Variants in PRRC2B observed in about 807,000 individuals in gnomAD.
PRRC2B encodes the protein proline rich coiled-coil 2B.
PRRC2B carries 68 observed loss-of-function variants against 242.3 expected under a neutral mutation model. The ratio of observed to expected loss-of-function variants is 0.28; its 90% CI spans 0.23 to 0.34. The LOEUF (loss-of-function observed/expected upper bound fraction) is 0.34, where lower values mean the gene tolerates loss of function less well. Ranked by LOEUF, PRRC2B falls within the 10% of genes least tolerant of loss-of-function variation. PRRC2B has a pLI of 1.00. For synonymous variants in PRRC2B, 1,228 were observed against 1,173.6 expected (o/e 1.05, Z -0.95); for missense variants, 2,835 against 2,954.8 (o/e 0.96, Z 0.94).
chr9:131,376,167 C>T (rs1030839086), intron 1 of PRRC2B, among the ~76,000 whole-genome samples: 1 of 150,700 alleles, frequency 6.6e-6, no homozygotes, highest in African/African-American at 2.4e-5. Flanking sequence ...GCCTGACCAA[C>T]ATGGTGAAAC....
intron 9 of PRRC2B, among the ~76,000 whole-genome samples, chr9:131,450,487 G>A (rs1490951283): frequency 6.6e-6 from 1 of 151,882 alleles, no homozygotes; most frequent in Admixed American, 6.6e-5. Flanking sequence ...GGCTGGTCTC[G>A]AACTCCTGAC....
chr9:131,416,018 A>AT (rs1837638364), intron 1 of PRRC2B, among the ~76,000 whole-genome samples: 1 of 149,442 alleles, frequency 6.7e-6, no homozygotes, highest in South Asian at 2.1e-4. Context: ...TAATCCTTTG[A>AT]TTTTGGGGGT....
At position 131,459,343 on chromosome 9, in the gene PRRC2B, G is replaced by C. The variant is rs768397687; in HGVS notation, c.1391G>C (p.Gly464Ala). The change falls in exon 11 of 32, where the codon GGC becomes GCC. Residue 464 changes from glycine to alanine, a missense_variant. Transcript: ENST00000683519. ...PPRKLHGWAP[G>A]PDYQKSSMGS... Reference sequence around the variant, plus strand: ...AGGAAGCTTCATGGCTGGGCACCAGGCCCTGACTACCAGGTACCAAGGGCC... The same window carrying C: ...AGGAAGCTTCATGGCTGGGCACCAGCCCCTGACTACCAGGTACCAAGGGCC... 6.2e-7 allele frequency: 1 copy of C among 1,613,086 alleles called. No homozygotes were observed. The highest frequency in any genetic ancestry group is 1.1e-5 in the South Asian group (1 of 91,004).
rs1944291933 is a variant in PRRC2B at position 131,494,990 on chromosome 9, C to T, written c.6555+504C>T. The stretch of plus-strand genomic sequence containing the variant: ...CTATTCTCTAAAACGTGCTGGGGCT[C>T]AGAGCTTAAGCCCCTCAGACGTGGG... On this transcript the variant is annotated intron_variant, in intron 31 of 31. Transcript: ENST00000683519. The surrounding 1 kb of genome is among the most constrained non-coding windows in gnomAD (Gnocchi z 4.3). Among the ~76,000 whole-genome samples, 1 of 152,192 alleles carries T rather than the reference C, an allele frequency of 6.6e-6. No homozygotes were observed. The highest frequency in any genetic ancestry group is 1.5e-5 in the Non-Finnish European group (1 of 68,034).
At chr9:131,445,329 T>A (rs1334634096) in intron 6 of PRRC2B, among the ~76,000 whole-genome samples, 2 of 152,120 alleles carry the variant, frequency 1.3e-5, no homozygotes, top group East Asian at 3.9e-4. Context: ...CCCAGCTAAT[T>A]TTGTATTTTT....
At chr9:131,416,053 C>A (rs529904038) in intron 1 of PRRC2B, among the ~76,000 whole-genome samples, 1 of 151,648 alleles carries the variant, frequency 6.6e-6, no homozygotes, top group South Asian at 2.1e-4. Flanking sequence ...ATTATCCCAT[C>A]GCTCATTTTC....
chr9:131,495,327 A>G (rs1255800873), intron 31 of PRRC2B, among the ~76,000 whole-genome samples: 1 of 152,020 alleles, frequency 6.6e-6, no homozygotes, highest in East Asian at 1.9e-4. Flanking sequence ...GCCCCAGCAG[A>G]CAGTCGGGGG....
At chr9:131,416,596 G>T (rs986578381) in intron 1 of PRRC2B, among the ~76,000 whole-genome samples, 5 of 148,750 alleles carry the variant, frequency 3.4e-5, no homozygotes, top group African/African-American at 1.2e-4. Flanking sequence ...GCTTTATTCA[G>T]ATGTTCTTAG....
intron 10 of PRRC2B, among the ~76,000 whole-genome samples, chr9:131,456,520 A>G (rs1943084010): frequency 6.6e-6 from 1 of 151,756 alleles, no homozygotes; most frequent in Non-Finnish European, 1.5e-5. Context: ...AGTCCCAGCT[A>G]CTCGGGAGGC....
Position 131,487,787 on chromosome 9 carries a change from T to C in PRRC2B, c.5985-69T>C. ...GTTTAGCAAGCTCTCCGGGGATCTC[T>C]GAAGGGTGGGACCAGATCCGCAGCT... On this transcript the variant is annotated intron_variant, in intron 27 of 31. Coordinates refer to ENST00000683519, the MANE Select transcript of PRRC2B (RefSeq NM_013318.4). This position sits in a 1 kb window ranked among gnomAD's most constrained non-coding sequence, Gnocchi z 5.3. The C allele has an allele frequency of 2.6e-6, 4 of 1,550,884 alleles. No individual in the cohort carries two copies. Among genetic ancestry groups the C allele is most frequent in the Admixed American group, 1.8e-5 (1 of 55,932 alleles).
chr9:131,457,119 G>T (rs1309500806), intron 10 of PRRC2B, among the ~76,000 whole-genome samples: 1 of 152,212 alleles, frequency 6.6e-6, no homozygotes, highest in Non-Finnish European at 1.5e-5. Flanking sequence ...CTTCTGGAAA[G>T]AGTTGGTAAT....
chr9:131,481,293 A>G (rs1943855226), intron 19 of PRRC2B, among the ~76,000 whole-genome samples: 1 of 133,222 alleles, frequency 7.5e-6, no homozygotes, highest in Non-Finnish European at 1.5e-5. Context: ...CCTGGGCGAC[A>G]GAGCAAGACT....
At chr9:131,429,644 G>A (rs769224693) in intron 1 of PRRC2B, among the ~76,000 whole-genome samples, 6 of 152,186 alleles carry the variant, frequency 3.9e-5, no homozygotes, top group Non-Finnish European at 8.8e-5. Flanking sequence ...ATGAACAGCC[G>A]TGGTGTAAGT....
intron 1 of PRRC2B, among the ~76,000 whole-genome samples, chr9:131,388,239 C>CTTT (rs536012324): frequency 1.7e-5 from 2 of 121,098 alleles, no homozygotes; most frequent in African/African-American, 3.0e-5. Context: ...TTTACTTTTA[C>CTTT]TTTTTTTTTT....
At chr9:131,395,234 C>A (rs1430252020) in intron 1 of PRRC2B, among the ~76,000 whole-genome samples, 1 of 151,990 alleles carries the variant, frequency 6.6e-6, no homozygotes, top group African/African-American at 2.4e-5. Context: ...TCTTTAAATG[C>A]CTTTGGTTTA....
At chr9:131,432,542 C>T (rs944661256) in intron 2 of PRRC2B, 75 bp from the exon 3 acceptor site, 2 of 1,364,248 alleles carry the variant, frequency 1.5e-6, no homozygotes, top group African/African-American at 2.9e-5. Flanking sequence ...ATTGAAAGAA[C>T]AGCTGAATGC....
At position 131,498,936 on chromosome 9, in the gene PRRC2B, T is replaced by C. The variant is rs1944399195; in HGVS notation, c.*3062T>C. 6.6e-6 allele frequency: 1 copy of C among 152,170 alleles called. No homozygotes were observed. Among genetic ancestry groups the C allele is most frequent in the South Asian group, 2.1e-4 (1 of 4,828 alleles). The allele number at this position is 152,170 out of a possible 1,614,324, so 9.4% of individuals were successfully genotyped here. ...GGACTTCAATGCCAGCTGCATTTGG[T>C]TTGGTTTTCTTAACTGTTGGCTTCT... On this transcript the variant is annotated 3_prime_UTR_variant, in exon 32 of 32. Transcript: ENST00000683519.
At chr9:131,445,215 C>T (rs1271159801) in intron 6 of PRRC2B, among the ~76,000 whole-genome samples, 1 of 151,752 alleles carries the variant, frequency 6.6e-6, no homozygotes, top group African/African-American at 2.4e-5. Flanking sequence ...GGGTGGAGTG[C>T]AATGGTGCGA....
chr9:131,426,249 A>G (rs1035891892), intron 1 of PRRC2B, among the ~76,000 whole-genome samples: 5 of 150,406 alleles, frequency 3.3e-5, no homozygotes, highest in African/African-American at 1.2e-4. Flanking sequence ...GACACAGGAG[A>G]ATTGCTTGAA....
Sources: gnomAD v4.1 joint callset for allele counts (sites outside exome capture counted in the v4.1 genomes callset) on GRCh38, gnomAD v4.1.1 for gene constraint, Gnocchi (gnomAD v3.1) non-coding constraint, MANE v1.5 for transcripts, NCBI Gene and HGNC (gene_info 2026-07-23, HGNC 2026-07-21) for gene names.